LRRN2: variants seen among roughly 807,000 people sequenced by gnomAD.
LRRN2 encodes the protein leucine-rich repeat neuronal protein 2.
A neutral mutation model predicts 35.7 loss-of-function variants in LRRN2; 10 were observed. The observed-to-expected ratio is 0.28, with a 90% CI of 0.17 to 0.47. The LOEUF is 0.47. LRRN2 is among the 20% of genes least tolerant of loss of function. The pLI, the probability that LRRN2 is intolerant of heterozygous loss-of-function variation, is 0.99. For synonymous variants in LRRN2, 391 were observed against 409.6 expected (o/e 0.95, Z 0.55); for missense variants, 731 against 940.3 (o/e 0.78, Z 2.91).
chr1:204,624,807 G>T (rs953279257), intron 1 of LRRN2, among the ~76,000 whole-genome samples: 1 of 144,700 alleles, frequency 6.9e-6, no homozygotes, highest in Non-Finnish European at 1.5e-5. Flanking sequence ...GGTGGTGATC[G>T]ATTGCCTGGC....
chr1:204,671,762 A>T (rs889575047), intron 1 of LRRN2, among the ~76,000 whole-genome samples: 1 of 152,074 alleles, frequency 6.6e-6, no homozygotes, highest in African/African-American at 2.4e-5. Flanking sequence ...TGGCTAAAAA[A>T]TAAGTGGTGG....
chr1:204,669,328 A>T (rs1438403464), intron 1 of LRRN2, among the ~76,000 whole-genome samples: 1 of 152,148 alleles, frequency 6.6e-6, no homozygotes, highest in East Asian at 1.9e-4. Context: ...GGACTTTTTC[A>T]TGGATCCTTT....
rs1162626713 is a variant in LRRN2 at position 204,631,256 on chromosome 1, C to CTA, written c.-226-11040_-226-11039dup. Among the ~76,000 whole-genome samples, 137 of 36,892 alleles carry CTA rather than the reference C, an allele frequency of 3.7e-3. 8 individuals are homozygous for CTA. The highest frequency in any genetic ancestry group is 5.7e-3 in the Admixed American group (14 of 2,474). 24.2% of individuals were successfully genotyped at this position (36,892 alleles called of 152,430 possible). A position where few individuals can be genotyped will look rare whatever the true frequency, so the allele number is the denominator to read the frequency against. On this transcript the variant is annotated intron_variant, in intron 1 of 1. Coordinates refer to ENST00000367177, the MANE Select transcript of LRRN2 (RefSeq NM_201630.2). ...CAAGAAGAGTGATACCTAGAGTGTT[C>CTA]TATATATATATATATATATATATAT...
At chr1:204,671,675 A>AACAAC (rs1558422544) in intron 1 of LRRN2, among the ~76,000 whole-genome samples, 2 of 111,530 alleles carry the variant, frequency 1.8e-5, no homozygotes, top group African/African-American at 6.2e-5. Flanking sequence ...AAAAAAGCAA[A>AACAAC]GGTGCCAATG....
intron 1 of LRRN2, among the ~76,000 whole-genome samples, chr1:204,661,589 G>C (rs1255123380): frequency 6.6e-6 from 1 of 152,138 alleles, no homozygotes; most frequent in Non-Finnish European, 1.5e-5. Context: ...CACCCCCAAG[G>C]GTGATCTTGA....
At chr1:204,628,080 C>G (rs577492828) in intron 1 of LRRN2, 7 of 150,260 alleles carry the variant, frequency 4.7e-5, no homozygotes, top group Non-Finnish European at 8.8e-5. Flanking sequence ...CCCCCTGCCT[C>G]CTTCCTTCCT....
intron 1 of LRRN2, among the ~76,000 whole-genome samples, chr1:204,656,003 A>G (rs2772226): frequency 0.62 from 94,316 of 151,312 alleles, 33,110 homozygotes; most frequent in Non-Finnish European, 0.77. Context: ...TCCACCTCCC[A>G]GGTTCACGCC....
At chr1:204,623,319 T>C (rs1040195811) in intron 1 of LRRN2, among the ~76,000 whole-genome samples, 6 of 152,210 alleles carry the variant, frequency 3.9e-5, no homozygotes, top group Non-Finnish European at 8.8e-5. Context: ...TAAAACTTCA[T>C]TGAAACCCTC....
At position 204,639,403 on chromosome 1, in the gene LRRN2, T is replaced by C. The variant is rs1025814333; in HGVS notation, c.-226-19185A>G. Among the ~76,000 whole-genome samples, 5 of 152,266 alleles carry C rather than the reference T, an allele frequency of 3.3e-5. No individual in the cohort carries two copies. The South Asian group carries it at 8.3e-4, about 25-fold the overall frequency. ...AATCCCAGCACTTCGGGAGGCCCAG[T>C]TGGGAGGATCACTTGAGGCCAGGAG... is the stretch of plus-strand genomic sequence containing the variant. On this transcript the variant is annotated intron_variant, in intron 1 of 1. Transcript: ENST00000367177.
chr1:204,632,775 CA>C (rs978070303), intron 1 of LRRN2, among the ~76,000 whole-genome samples: 1 of 150,326 alleles, frequency 6.7e-6, no homozygotes, highest in African/African-American at 2.4e-5. Flanking sequence ...ACTAAAAATA[CA>C]AAAAAAAATT....
chr1:204,680,926 T>G (rs927468444), intron 1 of LRRN2, among the ~76,000 whole-genome samples: 2 of 152,090 alleles, frequency 1.3e-5, no homozygotes, highest in African/African-American at 4.8e-5. Flanking sequence ...TGGCAACCCT[T>G]TCCTAATCCG....
intron 1 of LRRN2, among the ~76,000 whole-genome samples, chr1:204,683,887 C>A (rs1455869882): frequency 2.0e-5 from 3 of 152,210 alleles, no homozygotes; most frequent in Non-Finnish European, 4.4e-5. Context: ...GTGGGTCAGG[C>A]CACCCACATG....
At chr1:204,652,852 C>A (rs1001613810) in intron 1 of LRRN2, among the ~76,000 whole-genome samples, 3 of 152,212 alleles carry the variant, frequency 2.0e-5, no homozygotes, top group South Asian at 2.1e-4. Flanking sequence ...TAGCCCAGGG[C>A]AGTCCTGCAA....
chr1:204,641,012 A>AC (rs1240461884), intron 1 of LRRN2, among the ~76,000 whole-genome samples: 1 of 151,800 alleles, frequency 6.6e-6, no homozygotes, highest in African/African-American at 2.4e-5. Context: ...AAAGAAAAAA[A>AC]AAAAACAAAA....
At chr1:204,654,761 C>G (rs1381483380) in intron 1 of LRRN2, among the ~76,000 whole-genome samples, 2 of 152,188 alleles carry the variant, frequency 1.3e-5, no homozygotes, top group Non-Finnish European at 2.9e-5. Context: ...ACCAGCTTGC[C>G]CCAGTCCATG....
At chr1:204,659,662 T>C (rs1668430876) in intron 1 of LRRN2, among the ~76,000 whole-genome samples, 1 of 152,060 alleles carries the variant, frequency 6.6e-6, no homozygotes, top group South Asian at 2.1e-4. Context: ...AAAAGTCACT[T>C]GTGTTTGGCT....
chr1:204,641,152 C>T (rs1372870082), intron 1 of LRRN2, among the ~76,000 whole-genome samples: 1 of 152,172 alleles, frequency 6.6e-6, no homozygotes, highest in East Asian at 1.9e-4. Flanking sequence ...AAACCTTACA[C>T]AAAAAATATT....
chr1:204,640,107 C>T (rs1201632705), intron 1 of LRRN2, among the ~76,000 whole-genome samples: 1 of 152,128 alleles, frequency 6.6e-6, no homozygotes, highest in Non-Finnish European at 1.5e-5. Flanking sequence ...TTATAAACAA[C>T]AGAAATTTAT....
intron 1 of LRRN2, among the ~76,000 whole-genome samples, chr1:204,665,015 C>T (rs369625673): frequency 4.3e-4 from 65 of 152,226 alleles, no homozygotes; most frequent in African/African-American, 1.4e-3. Context: ...AAATCAGACA[C>T]GTCACCCTCT....
Sources: gnomAD v4.1 joint callset for allele counts (sites outside exome capture counted in the v4.1 genomes callset) on GRCh38, gnomAD v4.1.1 for gene constraint, MANE v1.5 for transcripts, NCBI Gene and HGNC (gene_info 2026-07-23, HGNC 2026-07-21) for gene names.